Variants in C14orf93 observed in about 807,000 individuals in gnomAD.
C14orf93 encodes the protein uncharacterized protein C14orf93.
Under a neutral mutation model 44.0 loss-of-function variants are expected in C14orf93, and 23 were observed. That is an observed-to-expected ratio of 0.52 (90% CI 0.38 to 0.74). The LOEUF (loss-of-function observed/expected upper bound fraction) is 0.74. C14orf93 is among the 30% of genes least tolerant of loss of function. The pLI, the probability that C14orf93 is intolerant of heterozygous loss-of-function variation, is 0.00. For synonymous variants in C14orf93, 253 were observed against 265.7 expected, an observed-to-expected ratio of 0.95 and a Z score of 0.46; for missense variants, 579 against 678.9, an observed-to-expected ratio of 0.85 and a Z score of 1.64.
intron 3 of C14orf93, among the ~76,000 whole-genome samples, chr14:22,991,609 T>C (rs1457661197): frequency 1.3e-5 from 2 of 151,088 alleles, no homozygotes; most frequent in Non-Finnish European, 2.9e-5. Flanking sequence ...TCTCACTCTG[T>C]TGCCAGGCTG....
chr14:22,990,335 CCTTA>C lies in C14orf93; in HGVS notation c.919-212_919-209del, dbSNP rs1229490007. ...GTCAGGATTCCAGGATCATCCCTGG[CCTTA>C]CTTCTGCTCCTGAGTAGTGTGATCA... On this transcript the variant is annotated intron_variant, in intron 3 of 6. Transcript: ENST00000299088. 2.0e-5 allele frequency among the ~76,000 whole-genome samples: 3 copies of C among 152,268 alleles called. No individual in the cohort carries two copies. The East Asian group carries it at 5.8e-4, about 29-fold the overall frequency.
chr14:23,007,712 T>C (rs2046699255), intron 1 of C14orf93, among the ~76,000 whole-genome samples: 1 of 150,560 alleles, frequency 6.6e-6, no homozygotes, highest in African/African-American at 2.4e-5. Flanking sequence ...AGAAATCAAA[T>C]AGCCTAGGAA....
Position 22,996,235 on chromosome 14 carries a change from C to A in C14orf93, c.631G>T (p.Val211Leu). Residue 211 changes from valine (V) to leucine (L), a missense_variant, in exon 3 of 7, where the codon GTA (valine) becomes TTA (leucine). Transcript: ENST00000299088. This position sits in a 1 kb window ranked among gnomAD's most constrained non-coding sequence, Gnocchi z 4.1. Reference protein sequence around the residue: ...VDDYVASEGAVQRVLVPAYAK... With the variant: ...VDDYVASEGALQRVLVPAYAK... ...TAAGCAGGGACCAGAACTCGCTGTA[C>A]TGCACCCTCAGAGGCCACGTAATCA... 6.3e-7 allele frequency: 1 copy of A among 1,582,528 alleles called. No homozygotes were observed. The highest frequency in any genetic ancestry group is 8.6e-7 in the Non-Finnish European group (1 of 1,159,934).
In C14orf93 at chr14:22,987,527, G is replaced by T. The variant is rs150172494; in HGVS notation, c.1305C>A (p.Asn435Lys). 9.5e-5 allele frequency: 153 copies of T among 1,614,224 alleles called. No homozygotes were observed. Among genetic ancestry groups the T allele is most frequent in the Non-Finnish European group, 1.3e-4 (149 of 1,180,048 alleles). The change falls in exon 7 of 7, where the codon AAC (asparagine) becomes AAA (lysine). Residue 435 changes from asparagine to lysine, a missense_variant. Transcript: ENST00000299088. The surrounding 1 kb of genome is among the most constrained non-coding windows in gnomAD (Gnocchi z 5.6). ...ELMSDEEDSLNEPGVWVARPP... is the reference protein window; with the variant it reads ...ELMSDEEDSLKEPGVWVARPP... Reference sequence around the variant, plus strand: ...GGCGGGCCACCCACACACCTGGCTCGTTAAGACTGTCCTCTTCATCTGACA... The same window carrying T: ...GGCGGGCCACCCACACACCTGGCTCTTTAAGACTGTCCTCTTCATCTGACA...
In C14orf93 at chr14:22,998,739, C is replaced by T. The variant is rs771184324; in HGVS notation, c.285G>A (p.Glu95=). The change falls in exon 2 of 7, where the codon GAG becomes GAA. Residue 95 remains glutamate, a synonymous_variant. Transcript: ENST00000299088. The stretch of plus-strand genomic sequence containing the variant: ...TCCCTTGCCTCAGGTCACCCACTTC[C>T]TCCTGGAGACGTTTTAACAACTCAT... ...ANNELLKRLQ[E]EVGDLRQGKV... The T allele has an allele frequency of 5.0e-6, 8 of 1,614,230 alleles. No individual in the cohort carries two copies. In the South Asian group the frequency reaches 6.6e-5, roughly 13 times the overall value.
intron 1 of C14orf93, among the ~76,000 whole-genome samples, chr14:23,001,877 G>T (rs1164592466): frequency 2.0e-5 from 3 of 149,052 alleles, no homozygotes; most frequent in Admixed American, 2.0e-4. Context: ...AGGGCTGGGC[G>T]GTGGCTCACG....
intron 1 of C14orf93, chr14:23,006,014 T>C (rs547911525): frequency 6.6e-6 from 1 of 152,340 alleles, no homozygotes; most frequent in South Asian, 2.1e-4. Context: ...AATAGATGTG[T>C]ATGATATGGT....
Position 22,996,154 on chromosome 14 carries a change from T to G in C14orf93, c.712A>C (p.Thr238Pro), listed in dbSNP as rs1471279623. 6.2e-7 allele frequency: 1 copy of G among 1,614,034 alleles called. No homozygotes were observed. The highest frequency in any genetic ancestry group is 8.5e-7 in the Non-Finnish European group (1 of 1,179,950). Residue 238 changes from threonine (T) to proline (P), a missense_variant, in exon 3 of 7, where the codon ACA (threonine) becomes CCA (proline). Thr to Pro is a conservative substitution (Grantham distance 38). Transcript: ENST00000299088. The surrounding 1 kb of genome is among the most constrained non-coding windows in gnomAD (Gnocchi z 4.1). Reference protein sequence around the residue: ...QLAIQRATPETGPENGTKLPP... With the variant: ...QLAIQRATPEPGPENGTKLPP... ...AGCTTGGTTCCATTTTCTGGTCCTG[T>G]CTCTGGGGTTGCCCGCTGGATTGCC...
chr14:22,989,369 A>G (rs1232447629), intron 5 of C14orf93, among the ~76,000 whole-genome samples: 1 of 152,246 alleles, frequency 6.6e-6, no homozygotes, highest in African/African-American at 2.4e-5. Flanking sequence ...GCAAGGAAAG[A>G]GAAAGCCTGG....
At position 22,987,180 on chromosome 14, in the gene C14orf93, A is replaced by G; in HGVS notation, c.*35T>C. The G allele has an allele frequency of 1.9e-6, 3 of 1,559,382 alleles. No individual in the cohort carries two copies. Among genetic ancestry groups the G allele is most frequent in the Non-Finnish European group, 1.7e-6 (2 of 1,148,574 alleles). On this transcript the variant is annotated 3_prime_UTR_variant, in exon 7 of 7. Transcript: ENST00000299088. The surrounding 1 kb of genome is among the most constrained non-coding windows in gnomAD (Gnocchi z 5.6). ...GCCACCTATTTCTGAGACATGGGGC[A>G]TGGCGGAAGCCAGAGTTATTCTTGG...
chr14:22,990,247 G>T, intron 3 of C14orf93, 120 bp from the exon 4 acceptor site: 1 of 762,368 alleles, frequency 1.3e-6, no homozygotes, highest in Non-Finnish European at 2.1e-6. Flanking sequence ...TCCTTTCTAA[G>T]CCAAGAGCCT....
chr14:23,006,029 C>A (rs139042518), intron 1 of C14orf93: 1 of 152,156 alleles, frequency 6.6e-6, no homozygotes, highest in African/African-American at 2.4e-5. Flanking sequence ...TATGGTATCA[C>A]TCAGATGATA....
Position 22,989,800 on chromosome 14 carries a change from T to C in C14orf93, c.1026A>G (p.Glu342=), listed in dbSNP as rs2045480248. 2 of 1,614,062 alleles carry C rather than the reference T, an allele frequency of 1.2e-6. No individual in the cohort carries two copies. The highest frequency in any genetic ancestry group is 1.3e-5 in the African/African-American group (1 of 74,924). ...TGGTCACCAGCTCTTGCTTGAGCTT[T>C]TCCAGAAGAAACTTCACTACTGAAA... ...WNISVVKFLL[E]KLKQELVTSP... is the part of the protein sequence containing the mutation. The change falls in exon 5 of 7, where the codon GAA becomes GAG. Residue 342 remains glutamate (E), a synonymous_variant. Transcript: ENST00000299088.
At position 22,987,731 on chromosome 14, in the gene C14orf93, G is replaced by C; in HGVS notation, c.1198-97C>G. 1.5e-6 allele frequency: 2 copies of C among 1,366,354 alleles called. No individual in the cohort carries two copies. The highest frequency in any genetic ancestry group is 2.0e-6 in the Non-Finnish European group (2 of 1,007,476). 84.6% of individuals were successfully genotyped at this position (1,366,354 alleles called of 1,614,324 possible). On this transcript the variant is annotated intron_variant, in intron 6 of 6. Coordinates refer to ENST00000299088, the MANE Select transcript of C14orf93 (RefSeq NM_021944.4). The surrounding 1 kb of genome is among the most constrained non-coding windows in gnomAD (Gnocchi z 5.6). Reference sequence around the variant, plus strand: ...GTGGGGAAGGCTGTGTAAAATCTGTGCCTAAGTGAACCCAGTCCCCAAGTC... The same window carrying C: ...GTGGGGAAGGCTGTGTAAAATCTGTCCCTAAGTGAACCCAGTCCCCAAGTC...
Position 22,998,520 on chromosome 14 carries a change from C to G in C14orf93, c.504G>C (p.Gly168=), listed in dbSNP as rs1419263712. 2 of 1,613,726 alleles carry G rather than the reference C, an allele frequency of 1.2e-6. No homozygotes were observed. The highest frequency in any genetic ancestry group is 2.7e-5 in the African/African-American group (2 of 74,912). ...ELRQLGAASV[G]PGPLGFPATQ... The stretch of plus-strand genomic sequence containing the variant: ...TTGCTGGGAAGCCCAAAGGCCCAGG[C>G]CCCACTGAGGCTGCTCCCAGCTGCC... The change falls in exon 2 of 7, where the codon GGG becomes GGC. Residue 168 remains glycine, a synonymous_variant. Transcript: ENST00000299088.
chr14:23,001,663 C>T (rs2046302608), intron 1 of C14orf93, among the ~76,000 whole-genome samples: 2 of 151,452 alleles, frequency 1.3e-5, no homozygotes, highest in Admixed American at 1.3e-4. Context: ...CAGGGTTTCG[C>T]GCTGTTGGCC....
Position 22,998,422 on chromosome 14 carries a change from C to T in C14orf93, c.597+5G>A. 1 of 1,541,154 alleles carries T rather than the reference C, an allele frequency of 6.5e-7. No individual in the cohort carries two copies. Among genetic ancestry groups the T allele is most frequent in the African/African-American group, 1.4e-5 (1 of 72,810 alleles). ...GGAGGAATAGCCCTCTGCTGCCATA[C>T]TCACAGGATTGAGCAGGGGGGCCGC... On this transcript the variant is annotated splice_donor_5th_base_variant and intron_variant, in intron 2 of 6. Transcript: ENST00000299088.
intron 1 of C14orf93, among the ~76,000 whole-genome samples, chr14:23,003,281 C>A (rs1303363752): frequency 2.0e-5 from 3 of 152,156 alleles, no homozygotes; most frequent in Non-Finnish European, 2.9e-5. Context: ...TCAAAGAATT[C>A]TTTTTTGGTT....
At position 22,987,182 on chromosome 14, in the gene C14orf93, G is replaced by A. The variant is rs1273546523; in HGVS notation, c.*33C>T. 3 of 1,562,774 alleles carry A rather than the reference G, an allele frequency of 1.9e-6. No homozygotes were observed. Among genetic ancestry groups the A allele is most frequent in the African/African-American group, 1.4e-5 (1 of 73,960 alleles). ...CACCTATTTCTGAGACATGGGGCAT[G>A]GCGGAAGCCAGAGTTATTCTTGGCT... is the stretch of plus-strand genomic sequence containing the variant. On this transcript the variant is annotated 3_prime_UTR_variant, in exon 7 of 7. Transcript: ENST00000299088. This position sits in a 1 kb window ranked among gnomAD's most constrained non-coding sequence, Gnocchi z 5.6.
Sources: gnomAD v4.1 joint callset for allele counts (sites outside exome capture counted in the v4.1 genomes callset) on GRCh38, gnomAD v4.1.1 for gene constraint, Gnocchi (gnomAD v3.1) non-coding constraint, MANE v1.5 for transcripts, NCBI Gene and HGNC (gene_info 2026-07-23, HGNC 2026-07-21) for gene names.